The following WDPCP variants were observed in gnomAD, a reference collection of about 807,000 sequenced individuals.
WDPCP encodes the protein WD repeat containing planar cell polarity effector.
A neutral mutation model predicts 93.1 loss-of-function variants in WDPCP; 71 were observed. The ratio of observed to expected loss-of-function variants is 0.76; its 90% CI spans 0.63 to 0.93. The LOEUF (loss-of-function observed/expected upper bound fraction) is 0.93. WDPCP is among the 40% of genes least tolerant of loss of function. WDPCP has a pLI of 0.00. For synonymous variants in WDPCP, 315 were observed against 315.0 expected (o/e 1.00, Z 0.00); for missense variants, 844 against 887.4 (o/e 0.95, Z 0.62).
intron 3 of WDPCP, chr2:63,622,628 T>G (rs1324963157): frequency 1.9e-6 from 3 of 1,613,898 alleles, no homozygotes; most frequent in Middle Eastern, 1.7e-4. Context: ...CAGGAAATAG[T>G]TGCTTGGCCC....
At chr2:63,668,504 C>T (rs1274514345) in intron 2 of WDPCP, among the ~76,000 whole-genome samples, 1 of 152,184 alleles carries the variant, frequency 6.6e-6, no homozygotes, top group Non-Finnish European at 1.5e-5. Flanking sequence ...AAAGAAAATC[C>T]AGATCTGTAC....
intron 2 of WDPCP, among the ~76,000 whole-genome samples, chr2:63,490,133 G>A (rs1226866981): frequency 7.0e-6 from 1 of 142,346 alleles, no homozygotes; most frequent in East Asian, 2.0e-4. Context: ...GGAGGATGAA[G>A]AATAACCCAG....
At chr2:63,128,376 G>A (rs1012053721) in intron 17 of WDPCP, among the ~76,000 whole-genome samples, 1 of 151,796 alleles carries the variant, frequency 6.6e-6, no homozygotes, top group African/African-American at 2.4e-5. Context: ...TTTTCCTTCC[G>A]TTTCTGTCTT....
chr2:63,492,886 A>G lies in WDPCP; in HGVS notation c.130T>C (p.Trp44Arg), dbSNP rs1280928455. 6.2e-7 allele frequency: 1 copy of G among 1,613,722 alleles called. No individual in the cohort carries two copies. Among genetic ancestry groups the G allele is most frequent in the Non-Finnish European group, 8.5e-7 (1 of 1,179,904 alleles). Residue 44 changes from tryptophan (W) to arginine (R), a missense_variant, in exon 2 of 18, where the codon TGG (tryptophan) becomes CGG (arginine). Physicochemically the swap from Trp to Arg is moderately radical, Grantham distance 101. Coordinates refer to ENST00000272321, the MANE Select transcript of WDPCP (RefSeq NM_015910.7). Reference protein sequence around the residue: ...MSFCLTELHLWSLKNTLHIAD... With the variant: ...MSFCLTELHLRSLKNTLHIAD... ...ATGTGTAAGGTATTCTTCAAAGACCACAGGTGCAGTTCAGTCAAGCAGAAA... is the reference window on the plus strand; with the variant it reads ...ATGTGTAAGGTATTCTTCAAAGACCGCAGGTGCAGTTCAGTCAAGCAGAAA...
At chr2:63,237,856 C>A (rs1266288347) in intron 14 of WDPCP, among the ~76,000 whole-genome samples, 1 of 151,978 alleles carries the variant, frequency 6.6e-6, no homozygotes, top group Non-Finnish European at 1.5e-5. Flanking sequence ...GGGGCAAGGG[C>A]TGAAAAACTT....
intron 14 of WDPCP, among the ~76,000 whole-genome samples, chr2:63,257,135 G>T (rs529025068): frequency 1.3e-5 from 2 of 152,024 alleles, no homozygotes; most frequent in African/African-American, 2.4e-5. Flanking sequence ...TTCCTTTGGC[G>T]CCTCTTGCTT....
intron 15 of WDPCP, among the ~76,000 whole-genome samples, chr2:63,166,477 T>A (rs913946745): frequency 1.3e-5 from 2 of 152,124 alleles, no homozygotes; most frequent in African/African-American, 4.8e-5. Flanking sequence ...CGCGATCAGC[T>A]CACTAAAACT....
intron 2 of WDPCP, among the ~76,000 whole-genome samples, chr2:63,702,055 C>T (rs780754608): frequency 5.9e-5 from 9 of 152,014 alleles, no homozygotes; most frequent in Non-Finnish European, 1.0e-4. Context: ...GATGGAGTTT[C>T]GCTCTTGTTG....
intron 1 of WDPCP, among the ~76,000 whole-genome samples, chr2:63,523,831 A>G (rs1011433083): frequency 1.3e-5 from 2 of 152,184 alleles, no homozygotes; most frequent in African/African-American, 4.8e-5. Flanking sequence ...GAATTGCTTG[A>G]ACCCAGGAGG....
intron 14 of WDPCP, among the ~76,000 whole-genome samples, chr2:63,246,076 A>ACGCAGTAACAAAAC (rs1322919133): frequency 6.6e-6 from 1 of 152,156 alleles, no homozygotes; most frequent in African/African-American, 2.4e-5. Context: ...TGTTTTTGTT[A>ACGCAGTAACAAAAC]CTGCCCCAGG....
intron 6 of WDPCP, among the ~76,000 whole-genome samples, chr2:63,457,717 C>T (rs1270690642): frequency 6.6e-6 from 1 of 152,112 alleles, no homozygotes; most frequent in Non-Finnish European, 1.5e-5. Flanking sequence ...ATGATCATCT[C>T]AAAAGATGTA....
At chr2:63,693,216 G>A (rs1400401494) in intron 2 of WDPCP, among the ~76,000 whole-genome samples, 3 of 152,050 alleles carry the variant, frequency 2.0e-5, no homozygotes, top group Non-Finnish European at 4.4e-5. Context: ...TGCACAAGGG[G>A]ACTATAAACT....
At chr2:63,271,358 A>G (rs1682624212) in intron 13 of WDPCP, among the ~76,000 whole-genome samples, 1 of 152,174 alleles carries the variant, frequency 6.6e-6, no homozygotes, top group Non-Finnish European at 1.5e-5. Context: ...GCATGAGTGC[A>G]CTGTCCAGGG....
At chr2:63,421,150 C>T (rs1695828078) in intron 9 of WDPCP, among the ~76,000 whole-genome samples, 1 of 152,004 alleles carries the variant, frequency 6.6e-6, no homozygotes, top group African/African-American at 2.4e-5. Flanking sequence ...AAATGGATAC[C>T]TCTCTTATTT....
intron 6 of WDPCP, among the ~76,000 whole-genome samples, chr2:63,468,161 A>G (rs565797974): frequency 6.6e-5 from 10 of 152,140 alleles, no homozygotes; most frequent in East Asian, 1.9e-4. Context: ...ACCTCTTTCT[A>G]TCCAACCCTC....
intron 12 of WDPCP, among the ~76,000 whole-genome samples, chr2:63,362,271 T>TGG (rs1558519333): frequency 1.6e-4 from 3 of 18,550 alleles, no homozygotes; most frequent in East Asian, 7.4e-3. Context: ...TTTTTTTTTT[T>TGG]TTTGGTTGTG....
intron 1 of WDPCP, 58 bp from the exon 2 acceptor site, chr2:63,492,998 A>G: frequency 1.5e-6 from 2 of 1,378,846 alleles, no homozygotes; most frequent in Non-Finnish European, 2.1e-6. Flanking sequence ...TGCCAATAAA[A>G]CCAAGATACC....
intron 3 of WDPCP, among the ~76,000 whole-genome samples, chr2:63,646,559 C>T (rs1395417986): frequency 6.6e-6 from 1 of 151,952 alleles, no homozygotes; most frequent in African/African-American, 2.4e-5. Context: ...GATTTAAGTC[C>T]TTCCATTAGC....
At chr2:63,325,191 C>A (rs1424943116) in intron 12 of WDPCP, among the ~76,000 whole-genome samples, 3 of 152,122 alleles carry the variant, frequency 2.0e-5, no homozygotes, top group African/African-American at 7.2e-5. Flanking sequence ...GACAAACAAA[C>A]CTTGGTGGTT....
Sources: allele counts gnomAD v4.1 joint callset (sites outside exome capture counted in the v4.1 genomes callset), GRCh38; gene constraint gnomAD v4.1.1; transcripts MANE v1.5; gene names NCBI Gene and HGNC (gene_info 2026-07-23, HGNC 2026-07-21).